Variants in GPRC5D observed in about 807,000 individuals in gnomAD.
GPRC5D encodes G protein-coupled receptor family C group 5 member D.
GPRC5D carries 20 observed loss-of-function variants against 29.3 expected under a neutral mutation model. The ratio of observed to expected loss-of-function variants is 0.68; its 90% CI spans 0.48 to 0.99. The LOEUF (loss-of-function observed/expected upper bound fraction) is 0.99, where lower values mean the gene tolerates loss of function less well. Among genes scored for constraint, GPRC5D ranks in the 50% least tolerant of loss-of-function variants. The pLI, the probability that GPRC5D is intolerant of heterozygous loss-of-function variation, is 0.00. For missense variants in GPRC5D, 384 were observed against 423.6 expected (o/e 0.91, Z 0.82); for synonymous variants, 178 against 171.3 (o/e 1.04, Z -0.30).
intron 1 of GPRC5D, among the ~76,000 whole-genome samples, chr12:12,946,038 G>A (rs1416533226): frequency 3.9e-5 from 6 of 152,086 alleles, no homozygotes; most frequent in South Asian, 2.1e-4. Flanking sequence ...AATCCACTTC[G>A]GAGGAATAAA....
exon 1 of GPRC5D, chr12:12,950,374 T>C: frequency 6.2e-7 from 1 of 1,600,546 alleles, no homozygotes; most frequent in Non-Finnish European, 8.5e-7. Flanking sequence ...CTCGATGCAG[T>C]CCTTGTACAT....
upstream of GPRC5D, chr12:12,950,498 T>C (rs981666675): frequency 2.8e-5 from 21 of 746,806 alleles, no homozygotes; most frequent in Non-Finnish European, 4.6e-5. Context: ...TAATTGTGCT[T>C]TTTGCTATTA....
At chr12:12,949,743 G>A (rs1232742930) in exon 1 of GPRC5D, 2 of 1,614,192 alleles carry the variant, frequency 1.2e-6, no homozygotes, top group South Asian at 2.2e-5. Context: ...CCCAGATGAT[G>A]ATGGAGAAGA....
intron 1 of GPRC5D, among the ~76,000 whole-genome samples, chr12:12,946,565 A>G (rs1863352467): frequency 6.6e-6 from 1 of 150,784 alleles, no homozygotes; most frequent in South Asian, 2.1e-4. Flanking sequence ...AGTGATTCTC[A>G]TGCCTCAGCC....
Position 12,942,563 on chromosome 12 carries a change from C to T in GPRC5D, c.896-235G>A, listed in dbSNP as rs376337418. Among the ~76,000 whole-genome samples the T allele has an allele frequency of 7.8e-4, 119 of 152,256 alleles. 1 individual carries two copies. The highest frequency in any genetic ancestry group is 2.8e-3 in the African/African-American group (115 of 41,554). On this transcript the variant is annotated intron_variant, in intron 1 of 2. Coordinates refer to ENST00000228887, the Ensembl canonical transcript of GPRC5D. ...TAGCCTGGCCAACATGGCAAAACCC[C>T]GTCTTCACTAAAAATACAAAAATTA...
At chr12:12,945,014 T>C (rs544886171) in intron 1 of GPRC5D, among the ~76,000 whole-genome samples, 6 of 150,218 alleles carry the variant, frequency 4.0e-5, no homozygotes, top group Non-Finnish European at 5.9e-5. Context: ...TCTCTTTCTC[T>C]CTTTCTTTCT....
Position 12,948,055 on chromosome 12 carries a change from C to G in GPRC5D, c.895+1435G>C, listed in dbSNP as rs929913046. 4 of 152,244 alleles carry G rather than the reference C, an allele frequency of 2.6e-5. No homozygotes were observed. The East Asian group carries it at 7.7e-4, about 29-fold the overall frequency. 9.4% of individuals were successfully genotyped at this position (152,244 alleles called of 1,614,324 possible). A position where few individuals can be genotyped will look rare whatever the true frequency, so the allele number is the denominator to read the frequency against. Reference sequence around the variant, plus strand: ...TTGCTCTTCAACTGAGATACTCCTTCGAGCCCGTTCAATGCTTGCCTGCTA... The same window carrying G: ...TTGCTCTTCAACTGAGATACTCCTTGGAGCCCGTTCAATGCTTGCCTGCTA... On this transcript the variant is annotated intron_variant, in intron 1 of 2. Transcript: ENST00000228887.
chr12:12,945,846 C>G (rs1474509609), intron 1 of GPRC5D, among the ~76,000 whole-genome samples: 1 of 152,116 alleles, frequency 6.6e-6, no homozygotes, highest in Non-Finnish European at 1.5e-5. Flanking sequence ...ATTTTTGGCT[C>G]AAGATTTTGA....
intron 2 of GPRC5D, among the ~76,000 whole-genome samples, chr12:12,942,019 T>C (rs1241485996): frequency 1.3e-5 from 2 of 152,198 alleles, no homozygotes; most frequent in African/African-American, 4.8e-5. Context: ...GACACGCACT[T>C]GCATCAGAAT....
chr12:12,944,723 C>T (rs575535090), intron 1 of GPRC5D, among the ~76,000 whole-genome samples: 2 of 151,484 alleles, frequency 1.3e-5, no homozygotes, highest in African/African-American at 4.8e-5. Flanking sequence ...AAAATGCCTA[C>T]AGTACTGTGA....
At chr12:12,950,449 C>G (rs1863466179), upstream of GPRC5D, 2 of 1,096,538 alleles carry the variant, frequency 1.8e-6, no homozygotes, top group Non-Finnish European at 1.3e-6. Flanking sequence ...AAGGATGAGA[C>G]AAATTGACAA....
chr12:12,946,604 G>A (rs926467167), intron 1 of GPRC5D, among the ~76,000 whole-genome samples: 2 of 151,590 alleles, frequency 1.3e-5, no homozygotes, highest in African/African-American at 2.4e-5. Flanking sequence ...ACAGGCATGC[G>A]TCACCATGCC....
At chr12:12,949,572 C>T in exon 1 of GPRC5D, 2 of 1,614,054 alleles carry the variant, frequency 1.2e-6, no homozygotes, top group Non-Finnish European at 1.7e-6. Flanking sequence ...AAGGGCACTC[C>T]TGTCTACACG....
intron 1 of GPRC5D, among the ~76,000 whole-genome samples, chr12:12,946,754 C>T (rs1397360034): frequency 3.3e-5 from 5 of 152,102 alleles, no homozygotes; most frequent in Non-Finnish European, 7.4e-5. Context: ...TGCGCCCGGC[C>T]ATACTTGTGA....
chr12:12,950,214 C>A (rs2136506012), exon 1 of GPRC5D: 4 of 1,613,974 alleles, frequency 2.5e-6, no homozygotes, highest in Non-Finnish European at 3.4e-6. Flanking sequence ...GGAGGACATT[C>A]CACTGGCTGC....
At position 12,942,348 on chromosome 12, in the gene GPRC5D, A is replaced by G. The variant is rs765626493; in HGVS notation, c.896-20T>C. The G allele has an allele frequency of 3.2e-6, 5 of 1,579,746 alleles. No homozygotes were observed. In the Admixed American group the frequency reaches 6.7e-5, roughly 21 times the overall value. Reference sequence around the variant, plus strand: ...CTCGGGCTGAAAGCCAAAGGAGGGAAGGGCTGGGTTAGTGTCCGAGAGTCA... The same window carrying G: ...CTCGGGCTGAAAGCCAAAGGAGGGAGGGGCTGGGTTAGTGTCCGAGAGTCA... On this transcript the variant is annotated intron_variant, in intron 1 of 2. Coordinates refer to ENST00000228887, the Ensembl canonical transcript of GPRC5D.
chr12:12,947,906 C>G (rs1863395227), intron 1 of GPRC5D, among the ~76,000 whole-genome samples: 1 of 152,146 alleles, frequency 6.6e-6, no homozygotes, highest in African/African-American at 2.4e-5. Flanking sequence ...CACAAAATTT[C>G]AAATTACATT....
At chr12:12,950,196 C>G in exon 1 of GPRC5D, 5 of 1,613,886 alleles carry the variant, frequency 3.1e-6, no homozygotes, top group Non-Finnish European at 4.2e-6. Flanking sequence ...GGAAGAGGAG[C>G]TGGGTGGGGA....
intron 2 of GPRC5D, among the ~76,000 whole-genome samples, 156 bp downstream of exon 3, chr12:12,942,105 T>C (rs531894619): frequency 2.0e-5 from 3 of 152,278 alleles, no homozygotes; most frequent in South Asian, 4.1e-4. Context: ...CTGGCTTAAA[T>C]CTGGGTGGCT....
Sources: gnomAD v4.1 joint callset for allele counts (sites outside exome capture counted in the v4.1 genomes callset) on GRCh38, gnomAD v4.1.1 for gene constraint, MANE v1.5 for transcripts, NCBI Gene and HGNC (gene_info 2026-07-23, HGNC 2026-07-21) for gene names.